Variants in MTX2 observed in about 807,000 individuals in gnomAD.
MTX2 encodes metaxin 2.
In MTX2, 35 loss-of-function variants were observed where a neutral mutation model predicts 42.3. The ratio of observed to expected loss-of-function variants is 0.83; its 90% CI spans 0.63 to 1.10. The LOEUF is 1.10. Ranked by LOEUF, MTX2 falls within the 50% of genes least tolerant of loss-of-function variation. The pLI is 0.00. For missense variants in MTX2, 307 were observed against 304.1 expected (o/e 1.01, Z -0.07); for synonymous variants, 119 against 100.9 (o/e 1.18, Z -1.08).
At chr2:176,279,341 T>C (rs552916378) in intron 1 of MTX2, among the ~76,000 whole-genome samples, 15 of 152,154 alleles carry the variant, frequency 9.9e-5, no homozygotes, top group Non-Finnish European at 1.6e-4. Flanking sequence ...ATAAATTGTG[T>C]CATTTGTATA....
At chr2:176,337,332 A>G (rs112603660) in intron 9 of MTX2, among the ~76,000 whole-genome samples, 161 bp from the exon 10 acceptor site, 3 of 152,252 alleles carry the variant, frequency 2.0e-5, no homozygotes, top group African/African-American at 7.2e-5. Flanking sequence ...ATGAGCCACC[A>G]TGCTTGGCCT....
In MTX2 at chr2:176,337,838, T is replaced by G; in HGVS notation, c.*174T>G. The G allele has an allele frequency of 2.1e-6, 1 of 483,718 alleles. No individual in the cohort carries two copies. The highest frequency in any genetic ancestry group is 5.8e-5 in the South Asian group (1 of 17,270). 30.0% of individuals were successfully genotyped at this position (483,718 alleles called of 1,614,324 possible). A position where few individuals can be genotyped will look rare whatever the true frequency, so the allele number is the denominator to read the frequency against. Reference sequence around the variant, plus strand: ...GTTATTTGTGTATACATTAAAATAATTCTGAATTATTTAATCTGATATGTT... The same window carrying G: ...GTTATTTGTGTATACATTAAAATAAGTCTGAATTATTTAATCTGATATGTT... On this transcript the variant is annotated 3_prime_UTR_variant, in exon 10 of 10. Transcript: ENST00000249442.
At chr2:176,318,599 C>G (rs906046816) in intron 3 of MTX2, among the ~76,000 whole-genome samples, 2 of 152,130 alleles carry the variant, frequency 1.3e-5, no homozygotes, top group South Asian at 4.2e-4. Context: ...TATATTCTCT[C>G]AGAAATTGGA....
At chr2:176,305,565 G>C (rs1046450712) in intron 3 of MTX2, among the ~76,000 whole-genome samples, 2 of 152,164 alleles carry the variant, frequency 1.3e-5, no homozygotes, top group East Asian at 1.9e-4. Context: ...TTATATTCTT[G>C]GGAGGACAGG....
At chr2:176,306,442 C>G (rs1039130646) in intron 3 of MTX2, among the ~76,000 whole-genome samples, 1 of 152,100 alleles carries the variant, frequency 6.6e-6, no homozygotes, top group Admixed American at 6.5e-5. Context: ...GGATTGCTGG[C>G]TCAAATGGTA....
At chr2:176,280,843 A>AG in intron 1 of MTX2, among the ~76,000 whole-genome samples, 1 of 152,360 alleles carries the variant, frequency 6.6e-6, no homozygotes, top group East Asian at 1.9e-4. Flanking sequence ...ACAGGAAAAG[A>AG]GGTAATGAAC....
intron 1 of MTX2, chr2:176,270,317 C>T (rs748165978): frequency 4.5e-6 from 6 of 1,325,684 alleles, no homozygotes; most frequent in Admixed American, 2.2e-5. Context: ...ATTACAGGCG[C>T]CCGCCACCAC....
chr2:176,310,672 C>G (rs1684281848), intron 3 of MTX2, among the ~76,000 whole-genome samples: 1 of 152,190 alleles, frequency 6.6e-6, no homozygotes, highest in Non-Finnish European at 1.5e-5. Context: ...GATACCCTTT[C>G]TTCCACTTGA....
chr2:176,276,152 A>G (rs115843007), intron 1 of MTX2, among the ~76,000 whole-genome samples: 4,051 of 152,338 alleles, frequency 0.027, 163 homozygotes, highest in African/African-American at 0.092. Flanking sequence ...ATTTAATTCA[A>G]TAATATGAAG....
chr2:176,293,077 C>T (rs999413297), intron 1 of MTX2, among the ~76,000 whole-genome samples: 1 of 152,102 alleles, frequency 6.6e-6, no homozygotes, highest in Non-Finnish European at 1.5e-5. Context: ...GTAGCCCAAA[C>T]CAAAATAAAC....
intron 4 of MTX2, 54 bp downstream of exon 4, chr2:176,323,518 G>A (rs1045802180): frequency 2.0e-6 from 3 of 1,486,172 alleles, no homozygotes; most frequent in African/African-American, 1.4e-5. Context: ...TAAAATTATA[G>A]TGATAGTCCA....
chr2:176,296,816 G>GT, intron 1 of MTX2, 44 bp from the exon 2 acceptor site: 1 of 1,595,024 alleles, frequency 6.3e-7, no homozygotes, highest in East Asian at 2.2e-5. Context: ...TTATTGATAT[G>GT]TTTTTGCTTT....
intron 3 of MTX2, 63 bp downstream of exon 3, chr2:176,297,958 G>C: frequency 7.8e-7 from 1 of 1,287,200 alleles, no homozygotes; most frequent in Non-Finnish European, 1.1e-6. Context: ...ATTTTGACTT[G>C]CAGTTATATT....
At chr2:176,304,557 T>C (rs1684098807) in intron 3 of MTX2, among the ~76,000 whole-genome samples, 1 of 152,022 alleles carries the variant, frequency 6.6e-6, no homozygotes, top group African/African-American at 2.4e-5. Context: ...TGCAGCTGTT[T>C]GATATAAAAA....
At chr2:176,277,190 A>G (rs1356657363) in intron 1 of MTX2, among the ~76,000 whole-genome samples, 4 of 152,190 alleles carry the variant, frequency 2.6e-5, no homozygotes, top group East Asian at 1.9e-4. Flanking sequence ...CCCTCCTCAC[A>G]TGAGTACTGG....
At chr2:176,313,036 TAAG>T (rs1684354201) in intron 3 of MTX2, among the ~76,000 whole-genome samples, 1 of 151,910 alleles carries the variant, frequency 6.6e-6, no homozygotes, top group African/African-American at 2.4e-5. Flanking sequence ...ATTTTTCTCA[TAAG>T]GAGACATTAA....
intron 1 of MTX2, among the ~76,000 whole-genome samples, chr2:176,277,113 T>A (rs1159373559): frequency 6.6e-6 from 1 of 152,196 alleles, no homozygotes; most frequent in African/African-American, 2.4e-5. Flanking sequence ...ATCTTGAAAG[T>A]GTGATTAAAA....
chr2:176,276,703 T>C (rs1692954072), intron 1 of MTX2, among the ~76,000 whole-genome samples: 1 of 152,158 alleles, frequency 6.6e-6, no homozygotes. Context: ...AGGGGTCCTT[T>C]GAGGATATTA....
chr2:176,322,702 T>C (rs924014281), intron 3 of MTX2, among the ~76,000 whole-genome samples: 1 of 151,972 alleles, frequency 6.6e-6, no homozygotes, highest in Non-Finnish European at 1.5e-5. Context: ...TATTATAATG[T>C]GTACATTTTT....
Sources: allele counts gnomAD v4.1 joint callset (sites outside exome capture counted in the v4.1 genomes callset), GRCh38; gene constraint gnomAD v4.1.1; transcripts MANE v1.5; gene names NCBI Gene and HGNC (gene_info 2026-07-23, HGNC 2026-07-21).